The following PDZRN4 variants were observed in gnomAD, a reference collection of about 807,000 sequenced individuals.
The protein encoded by PDZRN4 is PDZ domain-containing RING finger protein 4.
In PDZRN4, 70 loss-of-function variants were observed where a neutral mutation model predicts 99.0. The ratio of observed to expected loss-of-function variants is 0.71; its 90% CI spans 0.58 to 0.86. The LOEUF (loss-of-function observed/expected upper bound fraction) is 0.86, where lower values mean the gene tolerates loss of function less well. Among genes scored for constraint, PDZRN4 ranks in the 40% least tolerant of loss-of-function variants. The pLI is 0.00. For synonymous variants in PDZRN4, 551 were observed against 501.6 expected (o/e 1.10, Z -1.32); for missense variants, 1,474 against 1,331.2 (o/e 1.11, Z -1.67).
rs2405906 is a variant in PDZRN4 at position 41,283,215 on chromosome 12, G to C, written c.843+89027G>C. ...TGTTCCCACAGAAATACAAACTACC[G>C]TCAGAGAATATTATAACACTTCTGT... is the stretch of plus-strand genomic sequence containing the variant. On this transcript the variant is annotated intron_variant, in intron 3 of 9. Transcript: ENST00000402685. 9.8e-3 allele frequency among the ~76,000 whole-genome samples: 1,496 copies of C among 151,988 alleles called. 8 individuals carry two copies. Among genetic ancestry groups the C allele is most frequent in the Non-Finnish European group, 0.015 (1,046 of 67,982 alleles).
chr12:41,412,407 T>C (rs1424412819), intron 3 of PDZRN4: 1 of 152,174 alleles, frequency 6.6e-6, no homozygotes, highest in African/African-American at 2.4e-5. Context: ...TTACATCTCA[T>C]TGGTCAGAAA....
At chr12:41,571,372 T>TCA (rs1555154803) in intron 9 of PDZRN4, among the ~76,000 whole-genome samples, 155 of 103,698 alleles carry the variant, frequency 1.5e-3, no homozygotes, top group African/African-American at 8.1e-3. Flanking sequence ...TCTCTCTCTC[T>TCA]CTCTCACACA....
intron 5 of PDZRN4, among the ~76,000 whole-genome samples, chr12:41,526,734 C>T (rs1938574216): frequency 6.6e-6 from 1 of 152,134 alleles, no homozygotes; most frequent in Non-Finnish European, 1.5e-5. Flanking sequence ...AATTTTGCTG[C>T]TTCACAGTCT....
intron 3 of PDZRN4, among the ~76,000 whole-genome samples, chr12:41,304,353 C>T (rs954414552): frequency 1.3e-5 from 2 of 152,070 alleles, no homozygotes; most frequent in African/African-American, 4.8e-5. Flanking sequence ...TTATCTAAAT[C>T]CAAAAACTAA....
At chr12:41,356,015 T>C (rs1241618588) in intron 3 of PDZRN4, among the ~76,000 whole-genome samples, 3 of 152,036 alleles carry the variant, frequency 2.0e-5, no homozygotes, top group East Asian at 1.9e-4. Context: ...TCCTCTTTTG[T>C]TTTTATTTAG....
chr12:41,342,826 C>A (rs1193294093), intron 3 of PDZRN4, among the ~76,000 whole-genome samples: 1 of 151,828 alleles, frequency 6.6e-6, no homozygotes, highest in Non-Finnish European at 1.5e-5. Flanking sequence ...TAAAATAGAA[C>A]TACCATATGC....
At chr12:41,311,564 G>A (rs2120951380) in intron 3 of PDZRN4, among the ~76,000 whole-genome samples, 1 of 152,254 alleles carries the variant, frequency 6.6e-6, no homozygotes, top group East Asian at 1.9e-4. Context: ...CCATTGTGAT[G>A]AAATTAGAAA....
chr12:41,543,461 G>A (rs561939451), intron 5 of PDZRN4, among the ~76,000 whole-genome samples: 1 of 152,166 alleles, frequency 6.6e-6, no homozygotes, highest in Non-Finnish European at 1.5e-5. Flanking sequence ...AAAATTTGTA[G>A]ATAATACCTA....
At chr12:41,205,970 CT>C (rs1238498630) in intron 3 of PDZRN4, among the ~76,000 whole-genome samples, 2 of 151,896 alleles carry the variant, frequency 1.3e-5, no homozygotes, top group African/African-American at 2.4e-5. Context: ...AGTTCAACTT[CT>C]TTTATTTAAC....
chr12:41,432,982 C>G (rs746215776), intron 3 of PDZRN4, among the ~76,000 whole-genome samples: 11 of 152,122 alleles, frequency 7.2e-5, no homozygotes, highest in Non-Finnish European at 1.6e-4. Flanking sequence ...CCAACAAAGT[C>G]CCAGGCATAT....
intron 8 of PDZRN4, among the ~76,000 whole-genome samples, 164 bp from the exon 9 acceptor site, chr12:41,567,619 T>TTTTTA (rs143990010): frequency 6.8e-6 from 1 of 146,228 alleles, no homozygotes; most frequent in African/African-American, 2.5e-5. Context: ...TTTTTTTTTT[T>TTTTTA]ATCACCTTTT....
intron 3 of PDZRN4, among the ~76,000 whole-genome samples, chr12:41,270,299 GTC>G (rs766398502): frequency 2.7e-4 from 40 of 146,980 alleles, no homozygotes; most frequent in African/African-American, 8.1e-4. Context: ...GTGTGTGTGT[GTC>G]TGTGTGTGTG....
chr12:41,539,128 T>C (rs1439974558), intron 5 of PDZRN4, among the ~76,000 whole-genome samples: 2 of 151,876 alleles, frequency 1.3e-5, no homozygotes, highest in Admixed American at 6.6e-5. Flanking sequence ...AAATATAATA[T>C]ATATATTTTG....
At chr12:41,270,944 G>T (rs932781738) in intron 3 of PDZRN4, among the ~76,000 whole-genome samples, 6 of 151,972 alleles carry the variant, frequency 3.9e-5, no homozygotes, top group African/African-American at 1.4e-4. Context: ...TAGTAAAGTT[G>T]ATTATTAAAA....
In PDZRN4 at chr12:41,526,275, G is replaced by A. The variant is rs73130675; in HGVS notation, c.1203+16362G>A. 9.8e-3 allele frequency among the ~76,000 whole-genome samples: 1,498 copies of A among 152,294 alleles called. 9 individuals are homozygous for A. The highest frequency in any genetic ancestry group is 0.034 in the Middle Eastern group (10 of 294). On this transcript the variant is annotated intron_variant, in intron 5 of 9. Coordinates refer to ENST00000402685, the MANE Select transcript of PDZRN4 (RefSeq NM_001164595.2). ...TGGCTCTTGGCATTCTGAGCTGGCA[G>A]GGAGGATGGGGCTGCAGGAATCCTC... is the stretch of plus-strand genomic sequence containing the variant.
chr12:41,562,100 C>A (rs1939280755), intron 7 of PDZRN4, among the ~76,000 whole-genome samples: 1 of 152,054 alleles, frequency 6.6e-6, no homozygotes, highest in South Asian at 2.1e-4. Flanking sequence ...ATTGCAAAAA[C>A]AAATAGGGAA....
intron 3 of PDZRN4, among the ~76,000 whole-genome samples, chr12:41,442,391 CTTCGGACTCCTT>C (rs1952686864): frequency 1.3e-5 from 2 of 151,980 alleles, no homozygotes; most frequent in African/African-American, 4.8e-5. Flanking sequence ...TCTCTCCCAC[CTTCGGACTCCTT>C]TTCATGTTTG....
chr12:41,244,748 A>G (rs541854086), intron 3 of PDZRN4, among the ~76,000 whole-genome samples: 2 of 146,180 alleles, frequency 1.4e-5, no homozygotes, highest in Non-Finnish European at 3.0e-5. Context: ...GCAGTGGCGC[A>G]ATCTCGGCTC....
At chr12:41,407,935 G>A (rs1952361821) in intron 3 of PDZRN4, among the ~76,000 whole-genome samples, 1 of 152,260 alleles carries the variant, frequency 6.6e-6, no homozygotes, top group Non-Finnish European at 1.5e-5. Flanking sequence ...TTACCTGGAT[G>A]TTATGTACAG....
Sources: gnomAD v4.1 joint callset for allele counts (sites outside exome capture counted in the v4.1 genomes callset) on GRCh38, gnomAD v4.1.1 for gene constraint, MANE v1.5 for transcripts, NCBI Gene and HGNC (gene_info 2026-07-23, HGNC 2026-07-21) for gene names.